DMRT1: variants seen among roughly 807,000 people sequenced by gnomAD.
The protein encoded by DMRT1 is doublesex and mab-3 related transcription factor 1.
Under a neutral mutation model 32.3 loss-of-function variants are expected in DMRT1, and 7 were observed. The observed-to-expected ratio is 0.22, with a 90% confidence interval of 0.12 to 0.41. The LOEUF is 0.41. Among genes scored for constraint, DMRT1 ranks in the 10% least tolerant of loss-of-function variants. The pLI, the probability that DMRT1 is intolerant of heterozygous loss-of-function variation, is 1.00. For synonymous variants in DMRT1, 278 were observed against 206.1 expected, an observed-to-expected ratio of 1.35 and a Z score of -2.99; for missense variants, 625 against 500.5, an observed-to-expected ratio of 1.25 and a Z score of -2.37.
intron 3 of DMRT1, among the ~76,000 whole-genome samples, chr9:903,862 G>C (rs535422014): frequency 2.0e-5 from 3 of 152,120 alleles, no homozygotes; most frequent in African/African-American, 7.2e-5. Flanking sequence ...GGTTGAAGTG[G>C]TCCAGTAGCA....
chr9:931,473 T>C (rs1439095379), intron 4 of DMRT1, among the ~76,000 whole-genome samples: 1 of 152,220 alleles, frequency 6.6e-6, no homozygotes. Flanking sequence ...ATACTATTTC[T>C]ATTAGTCTGG....
chr9:857,124 T>C (rs1185390654), intron 2 of DMRT1, among the ~76,000 whole-genome samples: 1 of 152,050 alleles, frequency 6.6e-6, no homozygotes, highest in East Asian at 1.9e-4. Context: ...AAACCAGCCA[T>C]GGTGAAACCC....
chr9:886,531 C>A (rs931885563), intron 2 of DMRT1, among the ~76,000 whole-genome samples: 3 of 152,132 alleles, frequency 2.0e-5, no homozygotes, highest in Non-Finnish European at 4.4e-5. Flanking sequence ...GTTGGGATTA[C>A]ACGCGTGAGC....
At chr9:894,275 A>G in intron 3 of DMRT1, 80 bp downstream of exon 3, 1 of 1,476,404 alleles carries the variant, frequency 6.8e-7, no homozygotes, top group Non-Finnish European at 9.4e-7. Flanking sequence ...ATACACACAG[A>G]GGCACACACG....
At position 842,230 on chromosome 9, in the gene DMRT1, G is replaced by GTTTTTTTTTTTTTTTTTTTTTTTTTT. The variant is rs780064237; in HGVS notation, c.354+61_354+62insTTTTTTTTTTTTTTTTTTTTTTTTTT. 13 of 1,267,104 alleles carry GTTTTTTTTTTTTTTTTTTTTTTTTTT rather than the reference G, an allele frequency of 1.0e-5. 2 individuals carry two copies. In the African/African-American group the frequency reaches 1.9e-4, roughly 19 times the overall value. 78.5% of individuals were successfully genotyped at this position (1,267,104 alleles called of 1,614,324 possible). On this transcript the variant is annotated intron_variant, in intron 1 of 4. Transcript: ENST00000382276. ...GTGCGGGAGCCCGGGTTCAGCCTTA[G>GTTTTTTTTTTTTTTTTTTTTTTTTTT]TTTTTTTTTTTTTTTTTTTTTTTAG...
intron 4 of DMRT1, among the ~76,000 whole-genome samples, chr9:945,232 C>T (rs1440269694): frequency 5.9e-5 from 9 of 152,144 alleles, no homozygotes; most frequent in Admixed American, 5.9e-4. Context: ...CAGCTCACTG[C>T]AACCTCTGCC....
chr9:904,712 A>G (rs1475483716), intron 3 of DMRT1, among the ~76,000 whole-genome samples: 1 of 152,222 alleles, frequency 6.6e-6, no homozygotes, highest in Non-Finnish European at 1.5e-5. Context: ...TGGGAGGCCG[A>G]GGCAGGTGGA....
chr9:892,235 G>A (rs779144311), intron 2 of DMRT1, among the ~76,000 whole-genome samples: 6 of 152,134 alleles, frequency 3.9e-5, no homozygotes, highest in East Asian at 1.9e-4. Context: ...CCTCTGTGAC[G>A]TTGTATTCTC....
chr9:858,839 A>T (rs1365188210), intron 2 of DMRT1, among the ~76,000 whole-genome samples: 4 of 123,320 alleles, frequency 3.2e-5, no homozygotes, highest in African/African-American at 1.1e-4. Flanking sequence ...GCGCCATTGC[A>T]CTCCAGTCTG....
chr9:947,254 C>T (rs534583425), intron 4 of DMRT1, among the ~76,000 whole-genome samples: 3 of 152,240 alleles, frequency 2.0e-5, no homozygotes, highest in East Asian at 1.9e-4. Context: ...ATTATGAGAT[C>T]GTTTTGGGAT....
At chr9:959,860 G>T (rs1027420473) in intron 4 of DMRT1, among the ~76,000 whole-genome samples, 6 of 152,204 alleles carry the variant, frequency 3.9e-5, no homozygotes, top group African/African-American at 1.4e-4. Context: ...GAGACTGTCT[G>T]CCAGTGCATG....
intron 2 of DMRT1, among the ~76,000 whole-genome samples, chr9:852,989 C>T (rs193000978): frequency 2.0e-5 from 3 of 152,192 alleles, no homozygotes; most frequent in Admixed American, 1.3e-4. Flanking sequence ...GAAATGTGTT[C>T]GTTTGAAAAT....
At chr9:843,118 C>T (rs746660941) in intron 1 of DMRT1, among the ~76,000 whole-genome samples, 1 of 152,202 alleles carries the variant, frequency 6.6e-6, no homozygotes, top group African/African-American at 2.4e-5. Context: ...CGAGCGTCCC[C>T]AGAATCTCTG....
chr9:903,391 G>C (rs1817660896), intron 3 of DMRT1, among the ~76,000 whole-genome samples: 1 of 151,922 alleles, frequency 6.6e-6, no homozygotes, highest in African/African-American at 2.4e-5. Context: ...TCTCATTTTA[G>C]CTGATGACAA....
Position 914,739 on chromosome 9 carries a change from A to G in DMRT1, c.823-2024A>G, listed in dbSNP as rs553450481. ...ACTTGAGAGGAAATAATCACCTGTA[A>G]TGGTATCTTTGCTTCTCCAGAAGAA... On this transcript the variant is annotated intron_variant, in intron 3 of 4. Transcript: ENST00000382276. 4.8e-4 allele frequency among the ~76,000 whole-genome samples: 73 copies of G among 152,306 alleles called. No individual in the cohort carries two copies. The South Asian group carries it at 5.6e-3, about 12-fold the overall frequency.
At chr9:947,581 A>G (rs1255499373) in intron 4 of DMRT1, among the ~76,000 whole-genome samples, 2 of 152,224 alleles carry the variant, frequency 1.3e-5, no homozygotes, top group Non-Finnish European at 2.9e-5. Context: ...TAGAATTTAA[A>G]TTCTGGAAGT....
chr9:946,974 C>T (rs1177669400), intron 4 of DMRT1, among the ~76,000 whole-genome samples: 4 of 152,144 alleles, frequency 2.6e-5, no homozygotes, highest in African/African-American at 4.8e-5. Flanking sequence ...TTAGGAAATT[C>T]GTCATGCAGA....
intron 4 of DMRT1, among the ~76,000 whole-genome samples, chr9:930,256 C>G (rs1818667130): frequency 6.6e-6 from 1 of 152,030 alleles, no homozygotes; most frequent in Non-Finnish European, 1.5e-5. Context: ...GCTACCCAGG[C>G]TAGAGTGCAG....
chr9:944,625 G>T (rs1295028691), intron 4 of DMRT1, among the ~76,000 whole-genome samples: 1 of 152,102 alleles, frequency 6.6e-6, no homozygotes, highest in Non-Finnish European at 1.5e-5. Flanking sequence ...TGCTTGGCAG[G>T]CACATTTTGA....
Sources: allele counts gnomAD v4.1 joint callset (sites outside exome capture counted in the v4.1 genomes callset), GRCh38; gene constraint gnomAD v4.1.1; transcripts MANE v1.5; gene names NCBI Gene and HGNC (gene_info 2026-07-23, HGNC 2026-07-21).